Variants in PSPC1 observed in about 807,000 individuals in gnomAD.
The protein encoded by PSPC1 is paraspeckle protein 1.
In PSPC1, 14 loss-of-function variants were observed where a neutral mutation model predicts 51.6. The observed-to-expected ratio is 0.27, with a 90% CI of 0.18 to 0.42. The LOEUF is 0.42. Ranked by LOEUF, PSPC1 falls within the 10% of genes least tolerant of loss-of-function variation. The pLI is 1.00. For missense variants in PSPC1, 406 were observed against 701.1 expected (o/e 0.58, Z 4.75); for synonymous variants, 193 against 231.9 (o/e 0.83, Z 1.53).
chr13:19,674,606 G>A (rs896342268), downstream of PSPC1: 1 of 152,152 alleles, frequency 6.6e-6, no homozygotes, highest in Non-Finnish European at 1.5e-5. Flanking sequence ...GTGAACCAGG[G>A]GCCTGATGAA....
chr13:19,694,096 C>A (rs1367664624), intron 6 of PSPC1, among the ~76,000 whole-genome samples: 1 of 121,554 alleles, frequency 8.2e-6, no homozygotes, highest in African/African-American at 3.1e-5. Context: ...GCACTCCAGC[C>A]TGGGTGACAG....
intron 4 of PSPC1, among the ~76,000 whole-genome samples, chr13:19,747,057 G>C (rs981215071): frequency 1.3e-5 from 2 of 152,244 alleles, no homozygotes; most frequent in Non-Finnish European, 1.5e-5. Flanking sequence ...GCAGTATGCC[G>C]AGATGGCGCC....
At chr13:19,728,094 T>C (rs1267724433) in intron 6 of PSPC1, among the ~76,000 whole-genome samples, 1 of 152,044 alleles carries the variant, frequency 6.6e-6, no homozygotes, top group Admixed American at 6.6e-5. Flanking sequence ...AAAAATATAT[T>C]CCCATGTGTC....
At chr13:19,753,119 C>T (rs568474574) in intron 3 of PSPC1, among the ~76,000 whole-genome samples, 49 of 151,822 alleles carry the variant, frequency 3.2e-4, no homozygotes, top group African/African-American at 1.1e-3. Flanking sequence ...CCCCTCTCTA[C>T]TAAAATTACA....
At chr13:19,729,506 C>T (rs574980870) in intron 6 of PSPC1, among the ~76,000 whole-genome samples, 2 of 148,078 alleles carry the variant, frequency 1.4e-5, no homozygotes, top group Non-Finnish European at 3.0e-5. Flanking sequence ...CACTGCACTC[C>T]AGCCTGGTTG....
chr13:19,699,637 ATGT>A (rs1326720083), downstream of PSPC1, among the ~76,000 whole-genome samples: 1 of 152,142 alleles, frequency 6.6e-6, no homozygotes, highest in Non-Finnish European at 1.5e-5. Flanking sequence ...TAACCTAAAA[ATGT>A]TGTTTTTGGA....
At chr13:19,717,484 T>A (rs1048673314) in intron 6 of PSPC1, among the ~76,000 whole-genome samples, 3 of 151,842 alleles carry the variant, frequency 2.0e-5, no homozygotes, top group Non-Finnish European at 4.4e-5. Context: ...AGCGGGCAGA[T>A]CACCTGAGGT....
At chr13:19,690,389 C>T (rs187952461) in intron 6 of PSPC1, among the ~76,000 whole-genome samples, 38 of 152,296 alleles carry the variant, frequency 2.5e-4, no homozygotes, top group African/African-American at 6.7e-4. Context: ...CATTTCCTGA[C>T]GAGTTGCTCC....
At chr13:19,748,082 G>A (rs557802565) in intron 4 of PSPC1, among the ~76,000 whole-genome samples, 6 of 152,266 alleles carry the variant, frequency 3.9e-5, no homozygotes, top group Admixed American at 3.9e-4. Flanking sequence ...GCGTGGTGGT[G>A]TACACCTGTA....
chr13:19,690,079 T>C (rs914201211), intron 6 of PSPC1, among the ~76,000 whole-genome samples: 1 of 152,208 alleles, frequency 6.6e-6, no homozygotes, highest in Non-Finnish European at 1.5e-5. Flanking sequence ...ATTAATTACA[T>C]GCTTTTTCTC....
chr13:19,782,645 G>A lies in PSPC1; in HGVS notation c.113C>T (p.Ala38Val), dbSNP rs764029899. 3 of 1,558,342 alleles carry A rather than the reference G, an allele frequency of 1.9e-6. No individual in the cohort carries two copies. Among genetic ancestry groups the A allele is most frequent in the South Asian group, 1.2e-5 (1 of 84,962 alleles). ...ESEPAAAAAM[A>V]LALAGEPAPP... ...TGCCGGCTCCCCGGCAAGAGCGAGC[G>A]CCATGGCTGCCGCGGCCGCCGGCTC... Residue 38 changes from alanine (A) to valine (V), a missense_variant, in exon 1 of 9, where the codon GCG becomes GTG. Ala to Val is a moderately conservative substitution (Grantham distance 64, BLOSUM62 0). Transcript: ENST00000338910. This position sits in a 1 kb window ranked among gnomAD's most constrained non-coding sequence, Gnocchi z 4.5.
At chr13:19,708,573 C>A (rs1017311186) in intron 7 of PSPC1, among the ~76,000 whole-genome samples, 3 of 152,102 alleles carry the variant, frequency 2.0e-5, no homozygotes, top group Non-Finnish European at 2.9e-5. Context: ...CTTGGCTATA[C>A]GAGCAAATCC....
chr13:19,704,903 A>C (rs1565976108), intron 8 of PSPC1, among the ~76,000 whole-genome samples: 1 of 152,182 alleles, frequency 6.6e-6, no homozygotes, highest in East Asian at 1.9e-4. Context: ...ATACACAAAA[A>C]CTTTAATGTT....
chr13:19,713,099 CA>C (rs1881640409), intron 6 of PSPC1, among the ~76,000 whole-genome samples: 1 of 152,160 alleles, frequency 6.6e-6, no homozygotes. Context: ...AAGCAATACA[CA>C]AAACCCTTAC....
chr13:19,694,164 T>TAC (rs1477612142), intron 6 of PSPC1, among the ~76,000 whole-genome samples: 11 of 131,410 alleles, frequency 8.4e-5, no homozygotes, highest in South Asian at 2.4e-4. Flanking sequence ...TATATATATA[T>TAC]ATACATACAC....
chr13:19,760,164 A>G (rs999962437), intron 2 of PSPC1, among the ~76,000 whole-genome samples: 1 of 152,092 alleles, frequency 6.6e-6, no homozygotes, highest in East Asian at 1.9e-4. Flanking sequence ...ATGTCCCACC[A>G]CCTCAACCCA....
chr13:19,687,701 T>C (rs978980440), intron 6 of PSPC1, among the ~76,000 whole-genome samples: 1 of 93,242 alleles, frequency 1.1e-5, no homozygotes, highest in Non-Finnish European at 2.3e-5. Context: ...TCACTCCACG[T>C]CTTGATTTCT....
chr13:19,678,840 TC>T (rs146844104), intron 6 of PSPC1: 4 of 152,356 alleles, frequency 2.6e-5, no homozygotes, highest in Non-Finnish European at 5.9e-5. Flanking sequence ...CACTGCAGCC[TC>T]ATCTTCCCAG....
rs575362596 is a variant in PSPC1, at chr13:19,782,229, A to C, written c.372+157T>G. On this transcript the variant is annotated intron_variant, in intron 1 of 8. Coordinates refer to ENST00000338910, the MANE Select transcript of PSPC1 (RefSeq NM_001354909.2). This position sits in a 1 kb window ranked among gnomAD's most constrained non-coding sequence, Gnocchi z 4.5. ...GAAACCAAAGGCGCCGAGCTGGGGA[A>C]GCGGCCAACCCCGCACAGAGGAATC... Among the ~76,000 whole-genome samples the C allele has an allele frequency of 1.3e-5, 2 of 152,210 alleles. No homozygotes were observed. The highest frequency in any genetic ancestry group is 2.4e-5 in the African/African-American group (1 of 41,470).
Sources: gnomAD v4.1 joint callset for allele counts (sites outside exome capture counted in the v4.1 genomes callset) on GRCh38, gnomAD v4.1.1 for gene constraint, Gnocchi (gnomAD v3.1) non-coding constraint, MANE v1.5 for transcripts, NCBI Gene and HGNC (gene_info 2026-07-23, HGNC 2026-07-21) for gene names.